Variants in TTC28 observed in about 807,000 individuals in gnomAD.
TTC28 encodes the protein tetratricopeptide repeat protein 28.
TTC28 carries 61 observed loss-of-function variants against 198.0 expected under a neutral mutation model. The ratio of observed to expected loss-of-function variants is 0.31; its 90% confidence interval spans 0.25 to 0.38. TTC28 has a LOEUF of 0.38. Ranked by LOEUF, TTC28 falls within the 10% of genes least tolerant of loss-of-function variation. The pLI is 1.00. For missense variants in TTC28, 2,678 were observed against 3,164.0 expected, an observed-to-expected ratio of 0.85 and a Z score of 3.69; for synonymous variants, 1,171 against 1,297.8, an observed-to-expected ratio of 0.90 and a Z score of 2.10.
intron 1 of TTC28, among the ~76,000 whole-genome samples, chr22:28,651,917 G>A (rs1221372569): frequency 6.6e-6 from 1 of 151,684 alleles, no homozygotes; most frequent in Admixed American, 6.6e-5. Context: ...TTGGCTCTCT[G>A]CAACCTCCAC....
At chr22:28,644,868 G>A (rs1046548357) in intron 1 of TTC28, among the ~76,000 whole-genome samples, 2 of 151,620 alleles carry the variant, frequency 1.3e-5, no homozygotes, top group Non-Finnish European at 2.9e-5. Context: ...CAGTTCAGTG[G>A]GGCGCGGTGG....
At chr22:28,497,598 T>A (rs1320272267) in intron 2 of TTC28, among the ~76,000 whole-genome samples, 1 of 152,290 alleles carries the variant, frequency 6.6e-6, no homozygotes, top group Middle Eastern at 3.4e-3. Context: ...GTGATTCTAA[T>A]GTACAGCCAG....
chr22:28,494,243 C>T (rs2048420907), intron 2 of TTC28, among the ~76,000 whole-genome samples: 1 of 152,150 alleles, frequency 6.6e-6, no homozygotes, highest in Non-Finnish European at 1.5e-5. Context: ...CTGTACTCCA[C>T]TCTTAAATAT....
chr22:28,401,870 C>A (rs1003972383), intron 2 of TTC28, among the ~76,000 whole-genome samples: 5 of 152,138 alleles, frequency 3.3e-5, no homozygotes, highest in Non-Finnish European at 5.9e-5. Flanking sequence ...GATGCCAGAC[C>A]TAAATATTAA....
intron 13 of TTC28, among the ~76,000 whole-genome samples, chr22:28,018,569 G>A (rs979114577): frequency 6.6e-6 from 1 of 152,166 alleles, no homozygotes; most frequent in Non-Finnish European, 1.5e-5. Flanking sequence ...CTCTTCCTTA[G>A]TAGCTCTTCA....
Position 28,002,645 on chromosome 22 carries a change from T to A in TTC28, c.4219-1092A>T, listed in dbSNP as rs573957841. 3.3e-5 allele frequency: 5 copies of A among 152,240 alleles called. No individual in the cohort carries two copies. The East Asian group carries it at 9.6e-4, about 29-fold the overall frequency. 9.4% of individuals were successfully genotyped at this position (152,240 alleles called of 1,614,324 possible). ...CCTTTAAAAAAAATTTCTAGCTCCA[T>A]CTAGCGAAAGCAGAAATAAAAAGTA... On this transcript the variant is annotated intron_variant, in intron 14 of 22. Coordinates refer to ENST00000397906, the MANE Select transcript of TTC28 (RefSeq NM_001145418.2).
At chr22:28,217,363 A>T (rs1927488971) in intron 5 of TTC28, among the ~76,000 whole-genome samples, 1 of 152,260 alleles carries the variant, frequency 6.6e-6, no homozygotes, top group Admixed American at 6.5e-5. Context: ...TGAATATCCA[A>T]TGAGTTTTGC....
chr22:28,208,935 T>A (rs1003891057), intron 5 of TTC28, among the ~76,000 whole-genome samples: 2 of 152,164 alleles, frequency 1.3e-5, no homozygotes, highest in African/African-American at 4.8e-5. Context: ...GAGCAACTGC[T>A]CATTGGAATC....
At chr22:28,508,491 G>A (rs1426708577) in intron 2 of TTC28, among the ~76,000 whole-genome samples, 2 of 151,944 alleles carry the variant, frequency 1.3e-5, no homozygotes, top group Non-Finnish European at 2.9e-5. Flanking sequence ...CACCATGTTG[G>A]CGAGGATGGT....
intron 14 of TTC28, chr22:28,006,970 C>G (rs1341983252): frequency 6.6e-6 from 1 of 152,084 alleles, no homozygotes; most frequent in African/African-American, 2.4e-5. Context: ...CTGGCAGACA[C>G]GGCAGGCCTC....
chr22:28,165,346 C>T (rs1287012340), intron 5 of TTC28, among the ~76,000 whole-genome samples: 5 of 151,988 alleles, frequency 3.3e-5, no homozygotes, highest in East Asian at 1.9e-4. Flanking sequence ...AGATACTCCT[C>T]GAGAAGAGCA....
At chr22:28,210,897 G>A (rs1926886234) in intron 5 of TTC28, among the ~76,000 whole-genome samples, 1 of 152,136 alleles carries the variant, frequency 6.6e-6, no homozygotes. Flanking sequence ...GAAAGGTCGG[G>A]TTATCCACAA....
intron 2 of TTC28, among the ~76,000 whole-genome samples, chr22:28,616,581 G>C (rs550420522): frequency 2.0e-4 from 31 of 152,178 alleles, no homozygotes; most frequent in Non-Finnish European, 3.4e-4. Context: ...GACAGACACA[G>C]TGGTTCATGC....
intron 2 of TTC28, among the ~76,000 whole-genome samples, chr22:28,328,210 T>C (rs1459849393): frequency 2.0e-5 from 3 of 152,094 alleles, no homozygotes; most frequent in Admixed American, 6.6e-5. Flanking sequence ...GGCGGGAGAA[T>C]GGCTTGAGTC....
intron 2 of TTC28, among the ~76,000 whole-genome samples, chr22:28,480,693 ATTCT>A (rs1427791360): frequency 1.3e-5 from 2 of 152,158 alleles, no homozygotes; most frequent in African/African-American, 2.4e-5. Flanking sequence ...TAGCAGGCTA[ATTCT>A]TTCTAAGACT....
At chr22:28,572,573 AT>A (rs2050080709) in intron 2 of TTC28, among the ~76,000 whole-genome samples, 1 of 152,218 alleles carries the variant, frequency 6.6e-6, no homozygotes, top group Non-Finnish European at 1.5e-5. Context: ...TTATTAAAAA[AT>A]TTTGAAAACA....
chr22:28,624,531 G>A (rs2051048524), intron 2 of TTC28, among the ~76,000 whole-genome samples: 1 of 152,084 alleles, frequency 6.6e-6, no homozygotes, highest in Non-Finnish European at 1.5e-5. Context: ...TACCAAAACT[G>A]ATCTAAAAAG....
chr22:28,273,894 T>C (rs1311972918), intron 5 of TTC28, among the ~76,000 whole-genome samples: 4 of 152,178 alleles, frequency 2.6e-5, no homozygotes, highest in Non-Finnish European at 5.9e-5. Flanking sequence ...GAGATAGTTT[T>C]CAATAGAAAA....
chr22:28,423,392 AAAAAAAGAAAAAAG>A (rs898107212), intron 2 of TTC28, among the ~76,000 whole-genome samples: 1 of 152,162 alleles, frequency 6.6e-6, no homozygotes, highest in Non-Finnish European at 1.5e-5. Flanking sequence ...TCCGTATCAG[AAAAAAAGAAAAAAG>A]AAAAAAGAAA....
Sources: gnomAD v4.1 joint callset for allele counts (sites outside exome capture counted in the v4.1 genomes callset) on GRCh38, gnomAD v4.1.1 for gene constraint, MANE v1.5 for transcripts, NCBI Gene and HGNC (gene_info 2026-07-23, HGNC 2026-07-21) for gene names.